Variants in PCCA observed in about 807,000 individuals in gnomAD.
The protein encoded by PCCA is propionyl-CoA carboxylase subunit alpha, also known as propionyl-CoA carboxylase alpha chain, mitochondrial.
Under a neutral mutation model 101.3 loss-of-function variants are expected in PCCA, and 74 were observed. That is an observed-to-expected ratio of 0.73 (90% CI 0.61 to 0.89). The LOEUF (loss-of-function observed/expected upper bound fraction) is 0.89. Ranked by LOEUF, PCCA falls within the 40% of genes least tolerant of loss-of-function variation. The pLI, the probability that PCCA is intolerant of heterozygous loss-of-function variation, is 0.00. For synonymous variants in PCCA, 294 were observed against 313.6 expected (o/e 0.94, Z 0.66); for missense variants, 891 against 907.0 (o/e 0.98, Z 0.23).
intron 6 of PCCA, among the ~76,000 whole-genome samples, chr13:100,157,701 C>T (rs1432275320): frequency 6.6e-6 from 1 of 152,114 alleles, no homozygotes; most frequent in Non-Finnish European, 1.5e-5. Context: ...AATATCAAAT[C>T]TTACCAATGC....
chr13:100,519,641 G>T (rs2087084954), intron 22 of PCCA, among the ~76,000 whole-genome samples: 1 of 152,216 alleles, frequency 6.6e-6, no homozygotes, highest in Non-Finnish European at 1.5e-5. Context: ...TCCCATCTCA[G>T]AGTCTGACGT....
chr13:100,470,361 T>G (rs915147010), intron 21 of PCCA, among the ~76,000 whole-genome samples: 3 of 152,202 alleles, frequency 2.0e-5, no homozygotes, highest in African/African-American at 4.8e-5. Context: ...TAGCTTATGT[T>G]TATGGCGGGC....
intron 16 of PCCA, among the ~76,000 whole-genome samples, chr13:100,316,809 T>C (rs566604649): frequency 6.6e-6 from 1 of 152,100 alleles, no homozygotes; most frequent in African/African-American, 2.4e-5. Flanking sequence ...AGTCTCACTC[T>C]GTCACCCAGG....
chr13:100,390,719 A>G (rs1220960788), intron 19 of PCCA, among the ~76,000 whole-genome samples: 1 of 151,876 alleles, frequency 6.6e-6, no homozygotes, highest in Non-Finnish European at 1.5e-5. Flanking sequence ...ATGTTAAAAC[A>G]AAAAAAACAA....
At position 100,268,580 on chromosome 13, in the gene PCCA, A is replaced by G. The variant is rs1437543229; in HGVS notation, c.820-109A>G. 1.3e-5 allele frequency: 10 copies of G among 799,112 alleles called. No homozygotes were observed. In the East Asian group the frequency reaches 1.5e-4, roughly 12 times the overall value. The allele number at this position is 799,112 out of a possible 1,614,324, so 49.5% of individuals were successfully genotyped here. ...ATGTTTTGAGAGGTATGTATATACT[A>G]TGAAGTTTGAATATTAAAAACCAAG... On this transcript the variant is annotated intron_variant, in intron 10 of 23. Coordinates refer to ENST00000376285, the MANE Select transcript of PCCA (RefSeq NM_000282.4).
intron 6 of PCCA, among the ~76,000 whole-genome samples, chr13:100,164,082 A>G (rs565847809): frequency 1.5e-3 from 234 of 152,286 alleles, no homozygotes; most frequent in African/African-American, 5.4e-3. Flanking sequence ...ATTCTATGTG[A>G]AAATGTTATA....
At chr13:100,269,925 C>G (rs1334450373) in intron 11 of PCCA, among the ~76,000 whole-genome samples, 1 of 152,120 alleles carries the variant, frequency 6.6e-6, no homozygotes. Flanking sequence ...GATCATTGTT[C>G]CCTTTTCTTG....
intron 12 of PCCA, among the ~76,000 whole-genome samples, chr13:100,294,340 G>A (rs767601267): frequency 6.6e-6 from 1 of 152,010 alleles, no homozygotes. Context: ...ATTTTGGGGG[G>A]TACACAATTC....
intron 4 of PCCA, among the ~76,000 whole-genome samples, chr13:100,120,516 AG>A (rs1030721937): frequency 2.6e-5 from 4 of 152,118 alleles, no homozygotes; most frequent in Admixed American, 6.6e-5. Flanking sequence ...TTCTTTGTTG[AG>A]GAAATTCCCT....
At chr13:100,329,296 T>A (rs1045560420) in intron 16 of PCCA, among the ~76,000 whole-genome samples, 1 of 152,116 alleles carries the variant, frequency 6.6e-6, no homozygotes, top group African/African-American at 2.4e-5. Flanking sequence ...TAAAATGGGA[T>A]GTAAAGCAGC....
intron 1 of PCCA, among the ~76,000 whole-genome samples, chr13:100,095,420 G>A (rs2046679666): frequency 6.6e-6 from 1 of 152,178 alleles, no homozygotes; most frequent in African/African-American, 2.4e-5. Context: ...TCCCATTGTG[G>A]TTACATTTGA....
chr13:100,352,026 A>G (rs1268402008), intron 18 of PCCA, among the ~76,000 whole-genome samples: 1 of 152,230 alleles, frequency 6.6e-6, no homozygotes, highest in Admixed American at 6.5e-5. Flanking sequence ...TAGTATTAGT[A>G]AAAGAAAAGT....
chr13:100,511,936 G>A (rs1361758760), intron 21 of PCCA, among the ~76,000 whole-genome samples: 2 of 152,230 alleles, frequency 1.3e-5, no homozygotes, highest in Non-Finnish European at 2.9e-5. Flanking sequence ...ATCCGTGAAA[G>A]TGGAGTGTGT....
intron 21 of PCCA, among the ~76,000 whole-genome samples, chr13:100,457,987 G>A (rs16957441): frequency 0.23 from 34,945 of 151,944 alleles, 4,940 homozygotes; most frequent in East Asian, 0.55. Flanking sequence ...TTGCTAATGC[G>A]TAGCCCAGCT....
chr13:100,136,842 C>G (rs534308042), intron 4 of PCCA, among the ~76,000 whole-genome samples: 1 of 151,432 alleles, frequency 6.6e-6, no homozygotes, highest in East Asian at 2.0e-4. Context: ...TTTAGAATAA[C>G]TAGCTTAGGT....
intron 9 of PCCA, among the ~76,000 whole-genome samples, chr13:100,260,409 T>G (rs112602281): frequency 6.7e-6 from 1 of 149,036 alleles, no homozygotes. Flanking sequence ...TTTTTTTTTT[T>G]TTTTTGAGAT....
intron 15 of PCCA, 100 bp from the exon 16 acceptor site, chr13:100,309,733 A>G (rs1319114807): frequency 3.9e-6 from 3 of 767,732 alleles, no homozygotes; most frequent in Non-Finnish European, 6.3e-6. Context: ...AGATATATTT[A>G]GAAATCTGTT....
intron 7 of PCCA, among the ~76,000 whole-genome samples, chr13:100,232,139 C>G (rs1191427277): frequency 6.6e-6 from 1 of 152,126 alleles, no homozygotes; most frequent in Non-Finnish European, 1.5e-5. Context: ...TAAGATCTGG[C>G]CAGAACAGGG....
At position 100,112,030 on chromosome 13, in the gene PCCA, T is replaced by C; in HGVS notation, c.269T>C (p.Val90Ala). The C allele has an allele frequency of 5.0e-6, 8 of 1,611,318 alleles. No individual in the cohort carries two copies. Among genetic ancestry groups the C allele is most frequent in the Non-Finnish European group, 6.8e-6 (8 of 1,178,912 alleles). The change falls in exon 4 of 24, where the codon GTT (valine) becomes GCT (alanine). Residue 90 changes from valine to alanine, a missense_variant. Val to Ala is a moderately conservative substitution (Grantham distance 64). Transcript: ENST00000376285. ...RTCKKMGIKT[V>A]AIHSDVDASS... ...TGCAAGAAGATGGGCATTAAGACAG[T>C]TGCCATCCACAGTGATGTTGATGCT...
Sources: gnomAD v4.1 joint callset for allele counts (sites outside exome capture counted in the v4.1 genomes callset) on GRCh38, gnomAD v4.1.1 for gene constraint, MANE v1.5 for transcripts, NCBI Gene and HGNC (gene_info 2026-07-23, HGNC 2026-07-21) for gene names.